NT5C1B: variants seen among roughly 807,000 people sequenced by gnomAD.
NT5C1B encodes 5'-nucleotidase, cytosolic IB, also known as cytosolic 5'-nucleotidase 1B.
Under a neutral mutation model 57.8 loss-of-function variants are expected in NT5C1B, and 44 were observed. The observed-to-expected ratio is 0.76, with a 90% CI of 0.60 to 0.98. NT5C1B has a LOEUF of 0.98. Among genes scored for constraint, NT5C1B ranks in the 50% least tolerant of loss-of-function variants. The probability of loss-of-function intolerance (pLI) is 0.00; values close to 1 mark genes in which losing one functional copy is unlikely to be tolerated. For missense variants in NT5C1B, 742 were observed against 719.5 expected (o/e 1.03, Z -0.36); for synonymous variants, 284 against 282.6 (o/e 1.00, Z -0.05).
intron 8 of NT5C1B, among the ~76,000 whole-genome samples, chr2:18,571,872 C>T (rs1278652708): frequency 4.7e-5 from 7 of 149,106 alleles, no homozygotes; most frequent in Admixed American, 1.3e-4. Context: ...GAGGCTGAGG[C>T]GGGTCAGGAG....
intron 3 of NT5C1B, among the ~76,000 whole-genome samples, chr2:18,585,582 T>G (rs1666629255): frequency 6.6e-6 from 1 of 152,152 alleles, no homozygotes; most frequent in African/African-American, 2.4e-5. Context: ...GAAGCACAGT[T>G]ACATAGAATC....
At position 18,584,618 on chromosome 2, in the gene NT5C1B, G is replaced by A. The variant is rs1202397301; in HGVS notation, c.619C>T (p.Gln207Ter). Residue 207 changes from glutamine (Q) to a stop codon, truncating the protein, a stop_gained, in exon 4 of 9, where the codon CAG becomes TAG. Transcript: ENST00000304081. LOFTEE classifies it high-confidence loss of function. This position sits in a 1 kb window ranked among gnomAD's most constrained non-coding sequence, Gnocchi z 5.8. Reference sequence around the variant, plus strand: ...TCGTCCTCCCGCTGCTGCTGCTGCTGCTCGGACAGAGAGTTGCGGTCCAGC... The same window carrying A: ...TCGTCCTCCCGCTGCTGCTGCTGCTACTCGGACAGAGAGTTGCGGTCCAGC... The A allele has an allele frequency of 6.2e-7, 1 of 1,612,654 alleles. No homozygotes were observed. Among genetic ancestry groups the A allele is most frequent in the Non-Finnish European group, 8.5e-7 (1 of 1,179,482 alleles).
At chr2:18,576,684 T>C (rs555428516) in intron 7 of NT5C1B, 89 bp downstream of exon 7, 43 of 1,565,968 alleles carry the variant, frequency 2.7e-5, no homozygotes, top group Non-Finnish European at 3.2e-5. Flanking sequence ...AACAAGACCA[T>C]AAGCCTCATA....
chr2:18,569,847 T>C (rs970941417), intron 8 of NT5C1B, among the ~76,000 whole-genome samples: 9 of 152,094 alleles, frequency 5.9e-5, no homozygotes, highest in African/African-American at 2.2e-4. Context: ...CAATATGACC[T>C]GAATTAATTT....
In NT5C1B at chr2:18,584,162, C is replaced by G. The variant is rs372553926; in HGVS notation, c.817G>C (p.Glu273Gln). 3.1e-6 allele frequency: 5 copies of G among 1,614,152 alleles called. No homozygotes were observed. Among genetic ancestry groups the G allele is most frequent in the Non-Finnish European group, 4.2e-6 (5 of 1,180,044 alleles). The change falls in exon 5 of 9, where the codon GAA (glutamate) becomes CAA (glutamine). Residue 273 changes from glutamate to glutamine, a missense_variant. Transcript: ENST00000304081. This position sits in a 1 kb window ranked among gnomAD's most constrained non-coding sequence, Gnocchi z 5.8. The stretch of plus-strand genomic sequence containing the variant: ...GTGAGCTGATACTCCATGTACTTTT[C>G]CAGACCCTCTTGCTCGTAGATTTTC...
At chr2:18,571,689 A>ACT (rs1327349438) in intron 8 of NT5C1B, among the ~76,000 whole-genome samples, 3 of 123,598 alleles carry the variant, frequency 2.4e-5, no homozygotes, top group African/African-American at 7.7e-5. Flanking sequence ...ATCAGACTGT[A>ACT]CTCTCTCTCT....
intron 8 of NT5C1B, among the ~76,000 whole-genome samples, chr2:18,566,528 C>A (rs1461890515): frequency 6.6e-6 from 1 of 152,110 alleles, no homozygotes; most frequent in Non-Finnish European, 1.5e-5. Context: ...TGGCAGGAAC[C>A]ACCCTCATTG....
intron 8 of NT5C1B, among the ~76,000 whole-genome samples, chr2:18,569,273 C>T (rs778868570): frequency 6.0e-5 from 9 of 151,006 alleles, no homozygotes; most frequent in South Asian, 2.1e-4. Flanking sequence ...TAAAATGGAA[C>T]GTAAAAACAC....
chr2:18,574,223 T>G (rs1665464517), intron 8 of NT5C1B, among the ~76,000 whole-genome samples: 1 of 152,058 alleles, frequency 6.6e-6, no homozygotes, highest in Admixed American at 6.6e-5. Context: ...GAAAAGGTAC[T>G]CAACACATTA....
chr2:18,586,680 G>T, intron 2 of NT5C1B: 1 of 573,696 alleles, frequency 1.7e-6, no homozygotes, highest in Non-Finnish European at 3.0e-6. Flanking sequence ...TATTAGTATG[G>T]TTCACCATTG....
rs548147230 is a variant in NT5C1B at position 18,567,177 on chromosome 2, C to A, written c.1330-3058G>T. On this transcript the variant is annotated intron_variant, in intron 8 of 8. Coordinates refer to ENST00000304081, the Ensembl canonical transcript of NT5C1B. Reference sequence around the variant, plus strand: ...CAGTGGGGTGATAGAATAAAGCCATCCTTGATGGTACAGGTGTGGAGGAGG... The same window carrying A: ...CAGTGGGGTGATAGAATAAAGCCATACTTGATGGTACAGGTGTGGAGGAGG... 3.3e-5 allele frequency among the ~76,000 whole-genome samples: 5 copies of A among 152,194 alleles called. No individual in the cohort carries two copies. In the South Asian group the frequency reaches 1.0e-3, roughly 32 times the overall value.
At chr2:18,565,966 G>A (rs1416206412) in intron 8 of NT5C1B, among the ~76,000 whole-genome samples, 1 of 152,094 alleles carries the variant, frequency 6.6e-6, no homozygotes, top group Non-Finnish European at 1.5e-5. Context: ...TATTGGAAGG[G>A]ACGAAAGATT....
chr2:18,571,101 T>TC (rs1276531771), intron 8 of NT5C1B, among the ~76,000 whole-genome samples: 1 of 152,154 alleles, frequency 6.6e-6, no homozygotes, highest in Non-Finnish European at 1.5e-5. Flanking sequence ...AAGATTGATG[T>TC]CCCTCTAAGA....
exon 1 of NT5C1B, chr2:18,589,476 C>T (rs779994380): frequency 1.9e-6 from 3 of 1,613,976 alleles, no homozygotes; most frequent in Non-Finnish European, 1.7e-6. Flanking sequence ...CATTTTTTTA[C>T]CTGTTGAAAT....
At chr2:18,579,400 A>G (rs1336181790) in intron 6 of NT5C1B, among the ~76,000 whole-genome samples, 2 of 152,186 alleles carry the variant, frequency 1.3e-5, no homozygotes, top group Non-Finnish European at 2.9e-5. Context: ...TACTACAAAG[A>G]TACAATAACT....
rs369846764 is a variant in NT5C1B, at chr2:18,584,722, G to T, written c.515C>A (p.Pro172Gln). 7 of 1,612,890 alleles carry T rather than the reference G, an allele frequency of 4.3e-6. No individual in the cohort carries two copies. Among genetic ancestry groups the T allele is most frequent in the Non-Finnish European group, 5.9e-6 (7 of 1,179,462 alleles). ...GGGGGACGTGCGCGAATATTCCAGC[G>T]GCTGCGAGTCCCGGGTCTGGCGGAT... The change falls in exon 4 of 9, where the codon CCG becomes CAG. Residue 172 changes from proline to glutamine, a missense_variant. Pro to Gln is a moderately conservative substitution (Grantham distance 76). Transcript: ENST00000304081. This position sits in a 1 kb window ranked among gnomAD's most constrained non-coding sequence, Gnocchi z 5.8.
intron 8 of NT5C1B, among the ~76,000 whole-genome samples, chr2:18,571,706 C>CTG (rs1438297128): frequency 5.5e-4 from 58 of 104,518 alleles, no homozygotes; most frequent in South Asian, 2.4e-3. Flanking sequence ...CTCTCTTTCT[C>CTG]TCTGTGTGTG....
At chr2:18,586,887 G>T in intron 2 of NT5C1B, 1 of 1,536,110 alleles carries the variant, frequency 6.5e-7, no homozygotes, top group African/African-American at 1.4e-5. Context: ...AAGAATGAAG[G>T]ACCCCCCGGA....
In NT5C1B at chr2:18,584,523, G is replaced by T; in HGVS notation, c.714C>A (p.Arg238=). The change falls in exon 4 of 9, where the codon CGC becomes CGA. Residue 238 remains arginine, a synonymous_variant. Coordinates refer to ENST00000304081, the Ensembl canonical transcript of NT5C1B. The surrounding 1 kb of genome is among the most constrained non-coding windows in gnomAD (Gnocchi z 5.8). ...CGGCGGGCTGGCTCACCGGCCAGGG[G>T]CGCGAGCAGCTCGGGTTCTTCTCGT... 2.5e-6 allele frequency: 4 copies of T among 1,610,068 alleles called. No individual in the cohort carries two copies. The highest frequency in any genetic ancestry group is 3.4e-6 in the Non-Finnish European group (4 of 1,178,664).
Sources: allele counts gnomAD v4.1 joint callset (sites outside exome capture counted in the v4.1 genomes callset), GRCh38; gene constraint gnomAD v4.1.1; non-coding constraint Gnocchi (gnomAD v3.1); transcripts MANE v1.5; gene names NCBI Gene and HGNC (gene_info 2026-07-23, HGNC 2026-07-21).